Variants in RBFOX1 observed in about 807,000 individuals in gnomAD.
RBFOX1 encodes the protein RNA binding fox-1 homolog 1.
In RBFOX1, 8 loss-of-function variants were observed where a neutral mutation model predicts 57.7. That is an observed-to-expected ratio of 0.14 (90% CI 0.08 to 0.25). The LOEUF is 0.25. Ranked by LOEUF, RBFOX1 falls within the 10% of genes least tolerant of loss-of-function variation. The pLI, the probability that RBFOX1 is intolerant of heterozygous loss-of-function variation, is 1.00. For missense variants in RBFOX1, 611 were observed against 548.5 expected (o/e 1.11, Z -1.14); for synonymous variants, 326 against 222.4 (o/e 1.47, Z -4.15).
intron 4 of RBFOX1, among the ~76,000 whole-genome samples, chr16:5,926,488 G>A (rs1036937295): frequency 2.0e-5 from 3 of 152,284 alleles, no homozygotes; most frequent in Admixed American, 6.5e-5. Flanking sequence ...CCTGCAGTGA[G>A]TGGTCCAGAC....
At chr16:5,429,109 T>A (rs1597027363) in intron 1 of RBFOX1, among the ~76,000 whole-genome samples, 1 of 152,138 alleles carries the variant, frequency 6.6e-6, no homozygotes, top group Non-Finnish European at 1.5e-5. Context: ...TGGGTCAGTT[T>A]CCCTCCTGCC....
At chr16:6,625,929 A>G (rs1461864378) in intron 2 of RBFOX1, among the ~76,000 whole-genome samples, 1 of 152,336 alleles carries the variant, frequency 6.6e-6, no homozygotes, top group East Asian at 1.9e-4. Flanking sequence ...AGTTTACGTT[A>G]TCAGATAATA....
In RBFOX1 at chr16:7,496,189, G is replaced by A. The variant is rs112381684; in HGVS notation, c.28-21958G>A. ...AGTAGGGTCTTGCTCTGTCTCCCAG[G>A]TTGGAGTACAGTGGCATGATCTCAG... On this transcript the variant is annotated intron_variant, in intron 4 of 15. Coordinates refer to ENST00000550418, the MANE Select transcript of RBFOX1 (RefSeq NM_018723.4). Among the ~76,000 whole-genome samples the A allele has an allele frequency of 3.7e-3, 557 of 152,226 alleles. 2 individuals are homozygous for A. The highest frequency in any genetic ancestry group is 5.7e-3 in the Non-Finnish European group (390 of 68,024).
At chr16:7,673,960 A>G (rs887281383) in intron 13 of RBFOX1, among the ~76,000 whole-genome samples, 41 of 152,326 alleles carry the variant, frequency 2.7e-4, no homozygotes, top group Admixed American at 1.3e-4. Context: ...TTTTACAGAC[A>G]TCACTGTGGA....
At chr16:6,331,273 C>G (rs549372941) in intron 2 of RBFOX1, among the ~76,000 whole-genome samples, 100 of 152,136 alleles carry the variant, frequency 6.6e-4, no homozygotes, top group Admixed American at 1.8e-3. Context: ...TGGTGAAATC[C>G]TATCTCTAAT....
At chr16:5,386,817 A>G (rs1446241808) in intron 1 of RBFOX1, among the ~76,000 whole-genome samples, 2 of 152,126 alleles carry the variant, frequency 1.3e-5, no homozygotes, top group African/African-American at 2.4e-5. Context: ...TTGGAAGGCC[A>G]AGGTGGGCGG....
At chr16:5,857,748 C>G (rs774310342) in intron 3 of RBFOX1, among the ~76,000 whole-genome samples, 25 of 151,810 alleles carry the variant, frequency 1.6e-4, no homozygotes, top group Non-Finnish European at 1.5e-5. Flanking sequence ...ATAGAGAAAC[C>G]CTGTCTCTAC....
chr16:6,650,001 G>C (rs949643699), intron 2 of RBFOX1, among the ~76,000 whole-genome samples: 6 of 152,094 alleles, frequency 3.9e-5, no homozygotes, highest in Admixed American at 1.3e-4. Flanking sequence ...CCCTATCTTG[G>C]CTATTGTGAA....
intron 2 of RBFOX1, among the ~76,000 whole-genome samples, chr16:5,475,237 T>C (rs959162347): frequency 6.6e-6 from 1 of 152,260 alleles, no homozygotes; most frequent in African/African-American, 2.4e-5. Context: ...CTTCATTTGT[T>C]TTCTCTGTTC....
Position 6,423,465 on chromosome 16 carries a change from G to T in RBFOX1, c.-64+106408G>T, listed in dbSNP as rs143625644. On this transcript the variant is annotated intron_variant, in intron 2 of 15. Transcript: ENST00000550418. ...AATACAAAAATTAACCAGGTTTGAT[G>T]GTGCATGTCTGTAATCCCAGCTAGT... Among the ~76,000 whole-genome samples the T allele has an allele frequency of 2.5e-3, 388 of 152,206 alleles. 2 individuals are homozygous for T. Among genetic ancestry groups the T allele is most frequent in the African/African-American group, 8.8e-3 (365 of 41,516 alleles).
At chr16:7,569,075 G>C (rs11647080) in intron 5 of RBFOX1, among the ~76,000 whole-genome samples, 1,742 of 151,550 alleles carry the variant, frequency 0.011, 31 homozygotes, top group African/African-American at 0.037. Context: ...CCCATTATCC[G>C]TTATCGCTTT....
intron 4 of RBFOX1, among the ~76,000 whole-genome samples, chr16:7,350,155 A>T (rs540623079): frequency 4.7e-4 from 71 of 150,058 alleles, no homozygotes; most frequent in South Asian, 4.7e-3. Context: ...TAAAAAATTT[A>T]AAAAAAAAAT....
At chr16:6,421,196 C>T (rs2093762507) in intron 2 of RBFOX1, among the ~76,000 whole-genome samples, 1 of 152,126 alleles carries the variant, frequency 6.6e-6, no homozygotes, top group African/African-American at 2.4e-5. Context: ...TACCCTGATG[C>T]GTTGGTTGAG....
At chr16:5,928,284 G>A (rs1459981372) in intron 4 of RBFOX1, among the ~76,000 whole-genome samples, 1 of 151,588 alleles carries the variant, frequency 6.6e-6, no homozygotes, top group Non-Finnish European at 1.5e-5. Context: ...GTCTCACTGT[G>A]TTGCTCTGGC....
At chr16:5,322,603 G>T (rs558812701) in intron 1 of RBFOX1, among the ~76,000 whole-genome samples, 1 of 152,242 alleles carries the variant, frequency 6.6e-6, no homozygotes, top group Non-Finnish European at 1.5e-5. Context: ...AAGCCCTTTT[G>T]TTCTCTTAGA....
At chr16:5,390,861 C>T (rs915309380) in intron 1 of RBFOX1, among the ~76,000 whole-genome samples, 2 of 152,104 alleles carry the variant, frequency 1.3e-5, no homozygotes, top group African/African-American at 4.8e-5. Context: ...CATCTTGTCA[C>T]CATAAGGGAA....
intron 2 of RBFOX1, among the ~76,000 whole-genome samples, chr16:5,481,429 A>C (rs1274058540): frequency 6.6e-6 from 1 of 152,206 alleles, no homozygotes; most frequent in Non-Finnish European, 1.5e-5. Context: ...TGTCTAACCC[A>C]GTGTATTTTC....
chr16:6,462,291 G>T (rs1326007983), intron 2 of RBFOX1, among the ~76,000 whole-genome samples: 1 of 152,058 alleles, frequency 6.6e-6, no homozygotes. Context: ...CTTCTGTATG[G>T]TCCCCTTTGC....
intron 1 of RBFOX1, among the ~76,000 whole-genome samples, chr16:6,170,983 T>C (rs1480435737): frequency 6.6e-6 from 1 of 152,204 alleles, no homozygotes; most frequent in Non-Finnish European, 1.5e-5. Flanking sequence ...CTGTATCTTG[T>C]CTGTGATTGA....
Sources: allele counts gnomAD v4.1 joint callset (sites outside exome capture counted in the v4.1 genomes callset), GRCh38; gene constraint gnomAD v4.1.1; transcripts MANE v1.5; gene names NCBI Gene and HGNC (gene_info 2026-07-23, HGNC 2026-07-21).